Variants in KIAA1549 observed in about 807,000 individuals in gnomAD.
KIAA1549 encodes the protein UPF0606 protein KIAA1549.
In KIAA1549, 70 loss-of-function variants were observed where a neutral mutation model predicts 156.4. The observed-to-expected ratio is 0.45, with a 90% confidence interval of 0.37 to 0.55. The LOEUF is 0.55. KIAA1549 is among the 20% of genes least tolerant of loss of function. KIAA1549 has a pLI of 0.00. For missense variants in KIAA1549, 2,428 were observed against 2,540.9 expected (o/e 0.96, Z 0.96); for synonymous variants, 1,103 against 1,066.4 (o/e 1.03, Z -0.67).
At chr7:138,927,922 CTTTT>C (rs1200610758) in intron 1 of KIAA1549, among the ~76,000 whole-genome samples, 1 of 139,160 alleles carries the variant, frequency 7.2e-6, no homozygotes. Flanking sequence ...ATTGTCTTGT[CTTTT>C]TTTTTTTTTT....
chr7:138,899,184 C>G (rs757077642), intron 8 of KIAA1549, 52 bp from the exon 9 acceptor site: 1 of 1,537,446 alleles, frequency 6.5e-7, no homozygotes, highest in Non-Finnish European at 9.0e-7. Context: ...TTTCTAGATG[C>G]CCTCTCTCAG....
At chr7:138,976,139 C>T (rs1351004667) in intron 1 of KIAA1549, among the ~76,000 whole-genome samples, 1 of 152,058 alleles carries the variant, frequency 6.6e-6, no homozygotes, top group African/African-American at 2.4e-5. Flanking sequence ...TGCAGTGGCG[C>T]GATCTCATTT....
chr7:138,844,928 G>A (rs1209337591), intron 17 of KIAA1549, among the ~76,000 whole-genome samples: 2 of 151,748 alleles, frequency 1.3e-5, no homozygotes, highest in Non-Finnish European at 2.9e-5. Context: ...GGAGTGCAGT[G>A]GCGCAATCTT....
chr7:138,880,240 C>A (rs1313390770), intron 11 of KIAA1549, among the ~76,000 whole-genome samples: 1 of 152,042 alleles, frequency 6.6e-6, no homozygotes, highest in East Asian at 1.9e-4. Context: ...TTCTGGTGCC[C>A]AGAAAGATGC....
chr7:138,885,066 G>A (rs1336732456), intron 10 of KIAA1549, among the ~76,000 whole-genome samples: 3 of 152,126 alleles, frequency 2.0e-5, no homozygotes, highest in Admixed American at 6.5e-5. Context: ...GTGGTGGCAC[G>A]TGCCTGTAAT....
rs1809537192 is a variant in KIAA1549 at position 138,831,722 on chromosome 7, AG to A, written c.*6183del. On this transcript the variant is annotated 3_prime_UTR_variant, in exon 20 of 20. Transcript: ENST00000422774. ...GCTCATAATCTAGGGATGAGTGTGC[AG>A]GAAGAGCCAGAAAAACATGGACCTT... 2 of 231,428 alleles carry A rather than the reference AG, an allele frequency of 8.6e-6. No individual in the cohort carries two copies. Among genetic ancestry groups the A allele is most frequent in the African/African-American group, 2.2e-5 (1 of 45,262 alleles). The allele number at this position is 231,428 out of a possible 1,614,324, so 14.3% of individuals were successfully genotyped here. A position where few individuals can be genotyped will look rare whatever the true frequency, so the allele number is the denominator to read the frequency against.
At chr7:138,954,737 A>G (rs932340013) in intron 1 of KIAA1549, among the ~76,000 whole-genome samples, 1 of 152,228 alleles carries the variant, frequency 6.6e-6, no homozygotes, top group African/African-American at 2.4e-5. Flanking sequence ...TGGCCCGTGC[A>G]GAGTGACTGA....
intron 8 of KIAA1549, among the ~76,000 whole-genome samples, chr7:138,900,329 C>T (rs746503947): frequency 2.6e-5 from 4 of 152,178 alleles, no homozygotes; most frequent in East Asian, 3.8e-4. Context: ...TCCCTGACAA[C>T]GGTACAGTGG....
chr7:138,857,916 A>G lies in KIAA1549; in HGVS notation c.5247+3223T>C, dbSNP rs146418614. Among the ~76,000 whole-genome samples, 212 of 152,262 alleles carry G rather than the reference A, an allele frequency of 1.4e-3. 3 individuals carry two copies. Among genetic ancestry groups the G allele is most frequent in the East Asian group, 1.9e-4 (1 of 5,188 alleles). ...AATGAAGGGTTCTTGTAGGCAGCAT[A>G]TACTTGGATCTTGCTTTTTATCCAA... On this transcript the variant is annotated intron_variant, in intron 16 of 19. Coordinates refer to ENST00000422774, the MANE Select transcript of KIAA1549 (RefSeq NM_001164665.2).
chr7:138,957,108 A>G (rs1032776817), intron 1 of KIAA1549, among the ~76,000 whole-genome samples: 2 of 152,236 alleles, frequency 1.3e-5, no homozygotes, highest in Non-Finnish European at 2.9e-5. Flanking sequence ...CAGAAAGAAC[A>G]GCATGTGCAA....
chr7:138,907,612 T>C (rs1263014039), intron 5 of KIAA1549, among the ~76,000 whole-genome samples: 1 of 152,092 alleles, frequency 6.6e-6, no homozygotes, highest in Non-Finnish European at 1.5e-5. Flanking sequence ...TACACAGTGG[T>C]AATCAGTATA....
rs370609747 is a variant in KIAA1549 at position 138,840,163 on chromosome 7, G to A, written c.5568C>T (p.Tyr1856=). 334 of 1,554,996 alleles carry A rather than the reference G, an allele frequency of 2.1e-4. 2 individuals are homozygous for A. Among genetic ancestry groups the A allele is most frequent in the Admixed American group, 2.7e-4 (14 of 51,136 alleles). The stretch of plus-strand genomic sequence containing the variant: ...CTCTTCGCCCCGCTTCGTCCTCCCC[G>A]TACGAAGGCCAGCCTGGCCCCCCAT... ...SQYGGPGWPS[Y]GEDEAGRREA... The change falls in exon 19 of 20, where the codon TAC becomes TAT. Residue 1856 remains tyrosine (Y), a synonymous_variant. Coordinates refer to ENST00000422774, the MANE Select transcript of KIAA1549 (RefSeq NM_001164665.2).
intron 1 of KIAA1549, among the ~76,000 whole-genome samples, chr7:138,964,887 TAAGA>T (rs1462449694): frequency 1.3e-5 from 2 of 152,188 alleles, no homozygotes; most frequent in Non-Finnish European, 2.9e-5. Context: ...GAATTTATCT[TAAGA>T]AAGTAATTGG....
chr7:138,871,229 C>A lies in KIAA1549; in HGVS notation c.4479G>T (p.Pro1493=). The A allele has an allele frequency of 6.2e-7, 1 of 1,613,190 alleles. No homozygotes were observed. The highest frequency in any genetic ancestry group is 8.5e-7 in the Non-Finnish European group (1 of 1,179,784). ...PSKIQLIAMQ[P]IPAPPVQRPS... ...GGCGCTGGACGGGAGGTGCCGGGAT[C>A]GGCTGCATGGCGATAAGCTGGATCT... Residue 1493 remains proline, a synonymous_variant, in exon 13 of 20, where the codon CCG becomes CCT. Coordinates refer to ENST00000422774, the MANE Select transcript of KIAA1549 (RefSeq NM_001164665.2).
At chr7:138,882,088 C>T (rs1175466704) in intron 10 of KIAA1549, among the ~76,000 whole-genome samples, 1 of 152,206 alleles carries the variant, frequency 6.6e-6, no homozygotes, top group Non-Finnish European at 1.5e-5. Context: ...TCCAAAAACG[C>T]CAGCTTCTGG....
chr7:138,903,697 A>G lies in KIAA1549; in HGVS notation c.3560T>C (p.Val1187Ala), dbSNP rs763332062. Reference sequence around the variant, plus strand: ...CTTGCGTTCCATCTCGGCTTGAAACACTTCATTCTGGAGTTGCTTCTCCAT... The same window carrying G: ...CTTGCGTTCCATCTCGGCTTGAAACGCTTCATTCTGGAGTTGCTTCTCCAT... The part of the protein sequence containing the change: ...GVMEKQLQNE[V>A]FQAEMERKLA... The change falls in exon 8 of 20, where the codon GTG (valine) becomes GCG (alanine). Residue 1187 changes from valine (V) to alanine (A), a missense_variant. Val to Ala is a moderately conservative substitution (Grantham distance 64). Coordinates refer to ENST00000422774, the MANE Select transcript of KIAA1549 (RefSeq NM_001164665.2). The G allele has an allele frequency of 2.8e-5, 45 of 1,606,570 alleles. No homozygotes were observed. The Middle Eastern group carries it at 1.3e-3, about 47-fold the overall frequency.
At chr7:138,859,322 T>C (rs1810486948) in intron 16 of KIAA1549, among the ~76,000 whole-genome samples, 1 of 152,052 alleles carries the variant, frequency 6.6e-6, no homozygotes. Context: ...TCCAACACAG[T>C]CATGTTGGGG....
At chr7:138,958,667 G>A (rs1317421186) in intron 1 of KIAA1549, among the ~76,000 whole-genome samples, 1 of 151,972 alleles carries the variant, frequency 6.6e-6, no homozygotes, top group Non-Finnish European at 1.5e-5. Context: ...CTATCCCACT[G>A]TCTCACATCA....
intron 10 of KIAA1549, among the ~76,000 whole-genome samples, chr7:138,891,368 T>C (rs1343877783): frequency 6.6e-6 from 1 of 152,212 alleles, no homozygotes; most frequent in African/African-American, 2.4e-5. Flanking sequence ...AAGGAATAAG[T>C]TTCCATGAGG....
Sources: gnomAD v4.1 joint callset for allele counts (sites outside exome capture counted in the v4.1 genomes callset) on GRCh38, gnomAD v4.1.1 for gene constraint, MANE v1.5 for transcripts, NCBI Gene and HGNC (gene_info 2026-07-23, HGNC 2026-07-21) for gene names.